AGBL4: variants seen among roughly 807,000 people sequenced by gnomAD.
AGBL4 encodes the protein AGBL carboxypeptidase 4.
A neutral mutation model predicts 66.4 loss-of-function variants in AGBL4; 58 were observed. The ratio of observed to expected loss-of-function variants is 0.87; its 90% CI spans 0.71 to 1.09. AGBL4 has a LOEUF of 1.09. AGBL4 is among the 50% of genes least tolerant of loss of function. AGBL4 has a pLI of 0.00. For missense variants in AGBL4, 579 were observed against 631.0 expected (o/e 0.92, Z 0.88); for synonymous variants, 234 against 222.9 (o/e 1.05, Z -0.44).
intron 1 of AGBL4, among the ~76,000 whole-genome samples, chr1:49,999,793 G>A (rs1557651036): frequency 1.3e-5 from 2 of 152,026 alleles, no homozygotes; most frequent in African/African-American, 4.8e-5. Flanking sequence ...ACTAATCTTT[G>A]ACAAAGCAAA....
At chr1:49,467,172 T>C (rs1360495873) in intron 3 of AGBL4, among the ~76,000 whole-genome samples, 3 of 151,636 alleles carry the variant, frequency 2.0e-5, no homozygotes, top group African/African-American at 7.3e-5. Context: ...TGAGTCAAGG[T>C]TGTAGTTAGA....
In AGBL4 at chr1:48,832,601, T is replaced by A. The variant is rs186187820; in HGVS notation, c.634+34590A>T. Among the ~76,000 whole-genome samples, 274 of 152,296 alleles carry A rather than the reference T, an allele frequency of 1.8e-3. 2 individuals carry two copies. Among genetic ancestry groups the A allele is most frequent in the Non-Finnish European group, 1.6e-3 (107 of 68,014 alleles). On this transcript the variant is annotated intron_variant, in intron 6 of 13. Transcript: ENST00000371839. ...ATAAAAGGAAAGAGACTGTGATGGT[T>A]AATTTTATGTGTCAACTTGACTGGA...
chr1:49,301,155 T>A (rs1197855216), intron 3 of AGBL4, among the ~76,000 whole-genome samples: 1 of 152,232 alleles, frequency 6.6e-6, no homozygotes, highest in East Asian at 1.9e-4. Context: ...CACTGATCAG[T>A]ATCTCTCAAT....
At chr1:48,871,799 C>T (rs1248306727) in intron 5 of AGBL4, among the ~76,000 whole-genome samples, 1 of 152,008 alleles carries the variant, frequency 6.6e-6, no homozygotes, top group African/African-American at 2.4e-5. Context: ...CACCCTTGCT[C>T]CAGGAATTAT....
At chr1:48,798,772 C>T (rs1229425257) in intron 6 of AGBL4, among the ~76,000 whole-genome samples, 1 of 152,080 alleles carries the variant, frequency 6.6e-6, no homozygotes, top group Non-Finnish European at 1.5e-5. Context: ...GATAGGGTGT[C>T]CTTTCCCCAC....
chr1:49,025,362 C>G (rs532265491), intron 5 of AGBL4, among the ~76,000 whole-genome samples: 1 of 152,192 alleles, frequency 6.6e-6, no homozygotes, highest in Admixed American at 6.5e-5. Flanking sequence ...AGAGAGAGGC[C>G]TTTAAACAGT....
intron 5 of AGBL4, among the ~76,000 whole-genome samples, chr1:48,915,910 G>C (rs1214362999): frequency 2.0e-5 from 3 of 152,130 alleles, no homozygotes; most frequent in Non-Finnish European, 2.9e-5. Context: ...TTTTCTCTCT[G>C]AAAGAGAAAA....
intron 2 of AGBL4, among the ~76,000 whole-genome samples, chr1:49,808,038 C>A (rs1645013972): frequency 6.6e-6 from 1 of 152,162 alleles, no homozygotes; most frequent in Non-Finnish European, 1.5e-5. Flanking sequence ...AAAAGGAACC[C>A]AGTTTACGGT....
At chr1:49,753,955 A>T (rs981050693) in intron 2 of AGBL4, among the ~76,000 whole-genome samples, 6 of 152,144 alleles carry the variant, frequency 3.9e-5, no homozygotes, top group African/African-American at 1.4e-4. Flanking sequence ...TGGTTATTCT[A>T]GTTAGCAGTT....
chr1:48,818,260 A>G, intron 6 of AGBL4: 2 of 717,448 alleles, frequency 2.8e-6, no homozygotes, highest in Non-Finnish European at 5.2e-6. Context: ...TGTAATTTGC[A>G]ATCAATATTA....
At chr1:49,321,781 T>C (rs544722288) in intron 3 of AGBL4, among the ~76,000 whole-genome samples, 1 of 152,328 alleles carries the variant, frequency 6.6e-6, no homozygotes, top group South Asian at 2.1e-4. Flanking sequence ...GAGTTCTCCT[T>C]TCCTTCTGAA....
At chr1:48,661,911 ACT>A (rs1646113519) in intron 7 of AGBL4, among the ~76,000 whole-genome samples, 1 of 152,212 alleles carries the variant, frequency 6.6e-6, no homozygotes, top group South Asian at 2.1e-4. Context: ...TCAAGAGGTT[ACT>A]GCAAGGACAA....
intron 3 of AGBL4, among the ~76,000 whole-genome samples, chr1:49,384,838 G>A (rs1159789685): frequency 2.0e-5 from 3 of 152,124 alleles, no homozygotes; most frequent in Non-Finnish European, 4.4e-5. Context: ...AAAAATAGCA[G>A]CAATCACACT....
chr1:49,986,869 TA>T (rs1195259720), intron 1 of AGBL4, among the ~76,000 whole-genome samples: 5 of 152,090 alleles, frequency 3.3e-5, no homozygotes, highest in Non-Finnish European at 7.4e-5. Context: ...CAATGTACTT[TA>T]AATGTATTTT....
At chr1:48,721,486 G>GA (rs1557903329) in intron 6 of AGBL4, among the ~76,000 whole-genome samples, 1 of 152,186 alleles carries the variant, frequency 6.6e-6, no homozygotes, top group Non-Finnish European at 1.5e-5. Flanking sequence ...GGCCGGTGGG[G>GA]TCCAGTGTGA....
At chr1:49,748,139 C>A (rs1651144623) in intron 2 of AGBL4, among the ~76,000 whole-genome samples, 1 of 152,088 alleles carries the variant, frequency 6.6e-6, no homozygotes, top group Non-Finnish European at 1.5e-5. Context: ...TTAGGTATTT[C>A]TCCTAATGCT....
At chr1:48,815,627 C>A (rs916070721) in intron 6 of AGBL4, among the ~76,000 whole-genome samples, 2 of 152,148 alleles carry the variant, frequency 1.3e-5, no homozygotes, top group African/African-American at 4.8e-5. Flanking sequence ...GGGTTGAGTG[C>A]ATAATATATT....
At chr1:49,715,385 T>C (rs1648030873) in intron 2 of AGBL4, among the ~76,000 whole-genome samples, 1 of 152,330 alleles carries the variant, frequency 6.6e-6, no homozygotes, top group Admixed American at 6.5e-5. Flanking sequence ...TTTGGGTTGA[T>C]TCCAAGTCTT....
chr1:48,829,061 A>G (rs1646492889), intron 6 of AGBL4, among the ~76,000 whole-genome samples: 2 of 152,186 alleles, frequency 1.3e-5, no homozygotes, highest in Admixed American at 1.3e-4. Flanking sequence ...TCCAAGGTCT[A>G]AGATGAACCC....
Sources: gnomAD v4.1 joint callset for allele counts (sites outside exome capture counted in the v4.1 genomes callset) on GRCh38, gnomAD v4.1.1 for gene constraint, MANE v1.5 for transcripts, NCBI Gene and HGNC (gene_info 2026-07-23, HGNC 2026-07-21) for gene names.